Variants in UBE3C observed in about 807,000 individuals in gnomAD.
UBE3C encodes the protein ubiquitin protein ligase E3C, also known as ubiquitin-protein ligase E3C.
In UBE3C, 42 loss-of-function variants were observed where a neutral mutation model predicts 129.4. That is an observed-to-expected ratio of 0.32 (90% CI 0.25 to 0.42). The LOEUF (loss-of-function observed/expected upper bound fraction) is 0.42, where lower values mean the gene tolerates loss of function less well. UBE3C is among the 10% of genes least tolerant of loss of function. The probability of loss-of-function intolerance (pLI) is 1.00; values close to 1 mark genes in which losing one functional copy is unlikely to be tolerated. For missense variants in UBE3C, 1,049 were observed against 1,319.1 expected (o/e 0.80, Z 3.17); for synonymous variants, 510 against 492.4 (o/e 1.04, Z -0.47).
chr7:157,158,605 C>T (rs1377048050), intron 1 of UBE3C, among the ~76,000 whole-genome samples: 1 of 152,170 alleles, frequency 6.6e-6, no homozygotes, highest in Non-Finnish European at 1.5e-5. Flanking sequence ...GCTCATTGTC[C>T]ATTTTTAGAT....
intron 14 of UBE3C, among the ~76,000 whole-genome samples, chr7:157,218,675 C>T (rs999939114): frequency 1.3e-5 from 2 of 152,124 alleles, no homozygotes; most frequent in Admixed American, 1.3e-4. Flanking sequence ...AAGAAGCAGT[C>T]CTGGCAGGGT....
At chr7:157,158,837 A>G (rs1416100929) in intron 1 of UBE3C, among the ~76,000 whole-genome samples, 1 of 152,240 alleles carries the variant, frequency 6.6e-6, no homozygotes, top group African/African-American at 2.4e-5. Flanking sequence ...ATGACAACAT[A>G]GACTCCAAGT....
intron 19 of UBE3C, among the ~76,000 whole-genome samples, chr7:157,249,290 C>T (rs1796560756): frequency 1.3e-5 from 2 of 152,048 alleles, no homozygotes. Context: ...TCTGCATGGG[C>T]CTGCTGTGGA....
At chr7:157,238,407 ATGCTGC>A (rs905911447) in intron 18 of UBE3C, among the ~76,000 whole-genome samples, 34 of 152,184 alleles carry the variant, frequency 2.2e-4, no homozygotes, top group African/African-American at 6.3e-4. Context: ...AGGTGGAGTG[ATGCTGC>A]TGCCCATGTC....
chr7:157,265,583 C>G (rs559702729), intron 22 of UBE3C, among the ~76,000 whole-genome samples: 1 of 152,282 alleles, frequency 6.6e-6, no homozygotes, highest in South Asian at 2.1e-4. Context: ...AGCAACACGT[C>G]GTGCCGCGCG....
chr7:157,183,811 G>A lies in UBE3C; in HGVS notation c.992-67G>A, dbSNP rs79812505. 8.3e-3 allele frequency: 12,770 copies of A among 1,540,676 alleles called. 177 individuals carry two copies. The highest frequency in any genetic ancestry group is 0.043 in the South Asian group (3,537 of 81,354). On this transcript the variant is annotated intron_variant, in intron 8 of 22. Transcript: ENST00000348165. Reference sequence around the variant, plus strand: ...CTCTCTGCGTGTGAGGAAAAATGGCGTCTTCGTTTTCCATTTTAAAAAATA... The same window carrying A: ...CTCTCTGCGTGTGAGGAAAAATGGCATCTTCGTTTTCCATTTTAAAAAATA...
intron 18 of UBE3C, among the ~76,000 whole-genome samples, chr7:157,245,743 A>G (rs1796455739): frequency 6.6e-6 from 1 of 152,208 alleles, no homozygotes; most frequent in Non-Finnish European, 1.5e-5. Flanking sequence ...GTTATCAGAC[A>G]TGTGCCTGAG....
At chr7:157,267,488 T>C in intron 22 of UBE3C, 97 bp from the exon 23 acceptor site, 1 of 1,413,142 alleles carries the variant, frequency 7.1e-7, no homozygotes, top group East Asian at 2.4e-5. Context: ...ATGGTAACTT[T>C]ACTGATTGGA....
At chr7:157,210,898 T>C (rs17646823) in intron 13 of UBE3C, among the ~76,000 whole-genome samples, 4,858 of 152,338 alleles carry the variant, frequency 0.032, 120 homozygotes, top group Non-Finnish European at 0.05. Flanking sequence ...AGAGTCATCT[T>C]TCTTTGTCAC....
chr7:157,241,161 G>C (rs747158169), intron 18 of UBE3C, among the ~76,000 whole-genome samples: 13 of 152,170 alleles, frequency 8.5e-5, no homozygotes, highest in Non-Finnish European at 1.9e-4. Flanking sequence ...AGAGTGCTCT[G>C]AGGATCACAG....
At chr7:157,266,664 GTTTC>G (rs1183573791) in intron 22 of UBE3C, among the ~76,000 whole-genome samples, 1 of 152,168 alleles carries the variant, frequency 6.6e-6, no homozygotes, top group Non-Finnish European at 1.5e-5. Flanking sequence ...AAACAGCTTT[GTTTC>G]TTCTCACCAA....
intron 10 of UBE3C, among the ~76,000 whole-genome samples, chr7:157,194,308 A>G (rs532124777): frequency 1.2e-4 from 18 of 152,324 alleles, no homozygotes; most frequent in South Asian, 2.1e-4. Context: ...CACCACTTCC[A>G]TCCTGTGGTA....
At position 157,183,986 on chromosome 7, in the gene UBE3C, A is replaced by G; in HGVS notation, c.1100A>G (p.Asp367Gly). The change falls in exon 9 of 23, where the codon GAC (aspartate) becomes GGC (glycine). Residue 367 changes from aspartate to glycine, a missense_variant. This residue lies in a region of UBE3C where 489 missense variants were observed against 513.8 expected (regional missense o/e 0.95). Transcript: ENST00000348165. ...ASASCHDSASDSEEESEEADK... is the reference protein window; with the variant it reads ...ASASCHDSASGSEEESEEADK... ...GCGAGCTGTCACGACTCAGCCAGTG[A>G]CTCTGAGGAGGAGAGTGAAGAAGCC... 6.2e-7 allele frequency: 1 copy of G among 1,613,978 alleles called. No individual in the cohort carries two copies. Among genetic ancestry groups the G allele is most frequent in the Non-Finnish European group, 8.5e-7 (1 of 1,180,002 alleles).
chr7:157,199,212 G>A (rs887190944), intron 10 of UBE3C, among the ~76,000 whole-genome samples: 5 of 152,172 alleles, frequency 3.3e-5, no homozygotes, highest in African/African-American at 7.2e-5. Context: ...GAGAAAATAA[G>A]CAAATAATAC....
chr7:157,215,855 A>C (rs1203884826), intron 13 of UBE3C, among the ~76,000 whole-genome samples: 1 of 152,214 alleles, frequency 6.6e-6, no homozygotes, highest in Admixed American at 6.5e-5. Context: ...ATGCTATTAT[A>C]TCTCTTTAAT....
chr7:157,254,172 G>C, intron 20 of UBE3C, 30 bp downstream of exon 20: 1 of 1,609,838 alleles, frequency 6.2e-7, no homozygotes, highest in Non-Finnish European at 8.5e-7. Flanking sequence ...TCTGGGACAC[G>C]CTTGTCACAG....
intron 18 of UBE3C, among the ~76,000 whole-genome samples, chr7:157,234,079 C>T (rs1431779351): frequency 1.3e-5 from 2 of 151,910 alleles, no homozygotes; most frequent in Non-Finnish European, 2.9e-5. Context: ...AATTTATATT[C>T]TCTGAGGAAG....
chr7:157,158,733 G>T (rs1040380453), intron 1 of UBE3C, among the ~76,000 whole-genome samples: 1 of 152,170 alleles, frequency 6.6e-6, no homozygotes, highest in African/African-American at 2.4e-5. Context: ...GCTTTGTCAG[G>T]CATGAGCTGA....
intron 1 of UBE3C, among the ~76,000 whole-genome samples, chr7:157,152,537 C>G (rs147932565): frequency 3.3e-5 from 5 of 152,098 alleles, no homozygotes; most frequent in Non-Finnish European, 7.3e-5. Flanking sequence ...CAGATCCTTG[C>G]GCTCCTCACT....
Sources: gnomAD v4.1 joint callset for allele counts (sites outside exome capture counted in the v4.1 genomes callset) on GRCh38, gnomAD v4.1.1 for gene constraint, gnomAD v4.1.1 regional missense constraint, MANE v1.5 for transcripts, NCBI Gene and HGNC (gene_info 2026-07-23, HGNC 2026-07-21) for gene names.